TRANK1: variants seen among roughly 807,000 people sequenced by gnomAD.
TRANK1 encodes tetratricopeptide repeat and ankyrin repeat containing 1.
In TRANK1, 198 loss-of-function variants were observed where a neutral mutation model predicts 266.0. The ratio of observed to expected loss-of-function variants is 0.74; its 90% CI spans 0.66 to 0.84. TRANK1 has a LOEUF of 0.84. TRANK1 is among the 40% of genes least tolerant of loss of function. TRANK1 has a pLI of 0.00. For synonymous variants in TRANK1, 1,396 were observed against 1,384.1 expected, an observed-to-expected ratio of 1.01 and a Z score of -0.19; for missense variants, 3,326 against 3,634.6, an observed-to-expected ratio of 0.92 and a Z score of 2.18.
intron 21 of TRANK1, chr3:36,834,549 G>A (rs1422675161): frequency 7.9e-6 from 4 of 504,210 alleles, no homozygotes; most frequent in Non-Finnish European, 1.4e-5. Flanking sequence ...CCCTCTCTTT[G>A]TGACACTGCA....
intron 1 of TRANK1, among the ~76,000 whole-genome samples, chr3:36,936,873 G>A (rs760683257): frequency 2.6e-5 from 4 of 152,176 alleles, no homozygotes; most frequent in Non-Finnish European, 4.4e-5. Flanking sequence ...AGACTGAGGC[G>A]GGTGGATCAC....
chr3:36,895,198 C>T (rs1356797927), intron 5 of TRANK1, among the ~76,000 whole-genome samples: 1 of 152,208 alleles, frequency 6.6e-6, no homozygotes, highest in Non-Finnish European at 1.5e-5. Flanking sequence ...CCATGGATTC[C>T]TGGCCCTGGG....
rs1559448751 is a variant in TRANK1, at chr3:36,879,794, A to AAATATAATATACAAATATATG, written c.908-5499_908-5498insCATATATTTGTATATTATATT. On this transcript the variant is annotated intron_variant, in intron 8 of 23. Transcript: ENST00000645898. ...TAAATATATATAAATATGTAAATAT[A>AAATATAATATACAAATATATG]TAAATATACAAATATATGTAAATAT... Among the ~76,000 whole-genome samples the AAATATAATATACAAATATATG allele has an allele frequency of 4.2e-5, 2 of 47,082 alleles. 1 individual carries two copies. The highest frequency in any genetic ancestry group is 7.5e-5 in the Non-Finnish European group (2 of 26,546). The allele number at this position is 47,082 out of a possible 152,430, so 30.9% of individuals were successfully genotyped here. A position where few individuals can be genotyped will look rare whatever the true frequency, so the allele number is the denominator to read the frequency against.
chr3:36,855,476 T>G lies in TRANK1; in HGVS notation c.4246A>C (p.Asn1416His), dbSNP rs778967544. ...GYFDEEDVLY[N>H]ISRRLSKLRV... ...AGCTTCGACAGCCTCCGGGATATGTTGTACAGAACATCCTCTTCATCAAAA... is the reference window on the plus strand; with the variant it reads ...AGCTTCGACAGCCTCCGGGATATGTGGTACAGAACATCCTCTTCATCAAAA... The change falls in exon 13 of 24, where the codon AAC (asparagine) becomes CAC (histidine). Residue 1416 changes from asparagine to histidine, a missense_variant. By Grantham distance (68) the Asn-to-His change is moderately conservative. Coordinates refer to ENST00000645898, the MANE Select transcript of TRANK1 (RefSeq NM_001329998.2). 1.2e-6 allele frequency: 2 copies of G among 1,613,956 alleles called. No individual in the cohort carries two copies. The highest frequency in any genetic ancestry group is 1.7e-6 in the Non-Finnish European group (2 of 1,179,880).
At chr3:36,912,308 A>T (rs1357651783) in intron 1 of TRANK1, among the ~76,000 whole-genome samples, 1 of 152,242 alleles carries the variant, frequency 6.6e-6, no homozygotes, top group East Asian at 1.9e-4. Context: ...GAAATTGGTA[A>T]TGTGAGAATT....
At chr3:36,883,901 A>G (rs771097503) in intron 8 of TRANK1, among the ~76,000 whole-genome samples, 3 of 152,192 alleles carry the variant, frequency 2.0e-5, no homozygotes, top group Non-Finnish European at 2.9e-5. Context: ...TGGTAAAGGG[A>G]GTGGGAAAGA....
In TRANK1 at chr3:36,861,053, G is replaced by C; in HGVS notation, c.1348C>G (p.Arg450Gly). 2 of 1,537,714 alleles carry C rather than the reference G, an allele frequency of 1.3e-6. No individual in the cohort carries two copies. The highest frequency in any genetic ancestry group is 1.7e-6 in the Non-Finnish European group (2 of 1,147,008). ...RWPEVLLLLT[R>G]KVSGEPPLGD... ...AGCGGTGGTTCTCCACTTACTTTGC[G>C]GGTCAGCAGCAGAAGCACCTCAGGC... The change falls in exon 11 of 24, where the codon CGC (arginine) becomes GGC (glycine). Residue 450 changes from arginine (R) to glycine (G), a missense_variant. Arg to Gly is a moderately radical substitution (Grantham distance 125). Transcript: ENST00000645898.
In TRANK1 at chr3:36,879,645, AAT is replaced by A. The variant is rs373169975; in HGVS notation, c.908-5351_908-5350del. ...ATATATAAATATATATAAATATACA[AAT>A]ATATATAAATATATAAATATATATA... On this transcript the variant is annotated intron_variant, in intron 8 of 23. Coordinates refer to ENST00000645898, the MANE Select transcript of TRANK1 (RefSeq NM_001329998.2). 1.3e-3 allele frequency among the ~76,000 whole-genome samples: 99 copies of A among 73,752 alleles called. 14 individuals carry two copies. The highest frequency in any genetic ancestry group is 3.7e-3 in the South Asian group (10 of 2,718). 48.4% of individuals were successfully genotyped at this position (73,752 alleles called of 152,430 possible).
intron 1 of TRANK1, among the ~76,000 whole-genome samples, chr3:36,918,530 A>AAGGAAGGAAGGAAGGAAG: frequency 5.3e-5 from 1 of 18,790 alleles, no homozygotes; most frequent in African/African-American, 2.2e-4. Context: ...AAAGAAAGAA[A>AAGGAAGGAAGGAAGGAAG]GAAGGAAGGA....
chr3:36,923,097 A>G (rs2080238758), intron 1 of TRANK1, among the ~76,000 whole-genome samples: 1 of 152,148 alleles, frequency 6.6e-6, no homozygotes, highest in South Asian at 2.1e-4. Flanking sequence ...TGCACGTAGC[A>G]TTCTGCAGCC....
chr3:36,870,638 A>G (rs2079294014), intron 9 of TRANK1, among the ~76,000 whole-genome samples: 1 of 152,210 alleles, frequency 6.6e-6, no homozygotes, highest in Non-Finnish European at 1.5e-5. Context: ...TCAAACGTCC[A>G]ACAAGTTTAC....
At position 36,908,450 on chromosome 3, in the gene TRANK1, C is replaced by A. The variant is rs1273928403; in HGVS notation, c.28G>T (p.Asp10Tyr). The A allele has an allele frequency of 8.9e-6, 11 of 1,232,076 alleles. No individual in the cohort carries two copies. Among genetic ancestry groups the A allele is most frequent in the Non-Finnish European group, 1.1e-5 (11 of 988,006 alleles). 76.3% of individuals were successfully genotyped at this position (1,232,076 alleles called of 1,614,324 possible). MWDPRAARM[D>Y]LTAYAELLKE... ...AGCAGCTCAGCGTAAGCTGTCAGGT[C>A]CATCCTGTGAGGAGACGGGGGAGAC... Residue 10 changes from aspartate to tyrosine, a missense_variant, in exon 2 of 24, where the codon GAC becomes TAC. Asp to Tyr is a radical substitution (Grantham distance 160). Coordinates refer to ENST00000645898, the MANE Select transcript of TRANK1 (RefSeq NM_001329998.2).
Position 36,833,617 on chromosome 3 carries a change from G to A in TRANK1, c.5966C>T (p.Ala1989Val), listed in dbSNP as rs1257128991. The A allele has an allele frequency of 8.7e-6, 14 of 1,613,806 alleles. No individual in the cohort carries two copies. Among genetic ancestry groups the A allele is most frequent in the Non-Finnish European group, 1.1e-5 (13 of 1,179,862 alleles). ...ARLTADKDFQ[A>V]SCLLGAARLN... Reference sequence around the variant, plus strand: ...GCGGGCGGCCCCCAGCAGACATGAGGCCTGGAAGTCCTTGTCGGCAGTGAG... The same window carrying A: ...GCGGGCGGCCCCCAGCAGACATGAGACCTGGAAGTCCTTGTCGGCAGTGAG... Residue 1989 changes from alanine to valine, a missense_variant, in exon 22 of 24, where the codon GCC becomes GTC. Ala to Val is a moderately conservative substitution (Grantham distance 64). Coordinates refer to ENST00000645898, the MANE Select transcript of TRANK1 (RefSeq NM_001329998.2).
intron 1 of TRANK1, among the ~76,000 whole-genome samples, chr3:36,943,117 A>C (rs2080520142): frequency 6.6e-6 from 1 of 151,138 alleles, no homozygotes; most frequent in Non-Finnish European, 1.5e-5. Flanking sequence ...GCTTGAACCC[A>C]GGAGGCGGAG....
At chr3:36,867,717 C>T (rs2079246598) in intron 9 of TRANK1, among the ~76,000 whole-genome samples, 1 of 152,190 alleles carries the variant, frequency 6.6e-6, no homozygotes, top group Non-Finnish European at 1.5e-5. Context: ...TAAAAATGTG[C>T]TAACATGCAA....
At position 36,856,708 on chromosome 3, in the gene TRANK1, C is replaced by T; in HGVS notation, c.3014G>A (p.Gly1005Asp). 4 of 1,614,048 alleles carry T rather than the reference C, an allele frequency of 2.5e-6. No homozygotes were observed. The highest frequency in any genetic ancestry group is 3.4e-6 in the Non-Finnish European group (4 of 1,179,886). Reference protein sequence around the residue: ...CYVEDTEAEKGREHVNPEYFP... With the variant: ...CYVEDTEAEKDREHVNPEYFP... ...GTACTCAGGATTGACATGCTCCCTG[C>T]CCTTCTCGGCCTCTGTGTCCTCCAC... Residue 1005 changes from glycine to aspartate, a missense_variant, in exon 13 of 24, where the codon GGC (glycine) becomes GAC (aspartate). By Grantham distance (94) the Gly-to-Asp change is moderately conservative. Coordinates refer to ENST00000645898, the MANE Select transcript of TRANK1 (RefSeq NM_001329998.2).
chr3:36,866,090 AAGAAAG>A (rs1204931478), intron 9 of TRANK1, among the ~76,000 whole-genome samples: 4 of 151,402 alleles, frequency 2.6e-5, no homozygotes, highest in Non-Finnish European at 5.9e-5. Flanking sequence ...GAAAGAAAGA[AAGAAAG>A]AAAGAAAGAA....
At chr3:36,913,175 G>C (rs1319994190) in intron 1 of TRANK1, among the ~76,000 whole-genome samples, 1 of 151,936 alleles carries the variant, frequency 6.6e-6, no homozygotes, top group Non-Finnish European at 1.5e-5. Context: ...CTGAGTAGCT[G>C]GGATTACAGG....
At chr3:36,867,046 G>C (rs1575227760) in intron 9 of TRANK1, among the ~76,000 whole-genome samples, 1 of 152,272 alleles carries the variant, frequency 6.6e-6, no homozygotes, top group Middle Eastern at 3.4e-3. Flanking sequence ...ATTTGGCAAA[G>C]AAAGACCCAC....
Sources: gnomAD v4.1 joint callset for allele counts (sites outside exome capture counted in the v4.1 genomes callset) on GRCh38, gnomAD v4.1.1 for gene constraint, MANE v1.5 for transcripts, NCBI Gene and HGNC (gene_info 2026-07-23, HGNC 2026-07-21) for gene names.